The following DLGAP1 variants were observed in gnomAD, a reference collection of about 807,000 sequenced individuals.
The protein encoded by DLGAP1 is DLG associated protein 1.
A neutral mutation model predicts 90.8 loss-of-function variants in DLGAP1; 11 were observed. That is an observed-to-expected ratio of 0.12 (90% confidence interval 0.08 to 0.20). The LOEUF (loss-of-function observed/expected upper bound fraction) is 0.20. DLGAP1 is among the 10% of genes least tolerant of loss of function. The probability of loss-of-function intolerance (pLI) is 1.00; values close to 1 mark genes in which losing one functional copy is unlikely to be tolerated. For missense variants in DLGAP1, 1,050 were observed against 1,333.8 expected (o/e 0.79, Z 3.31); for synonymous variants, 558 against 540.7 (o/e 1.03, Z -0.44).
At chr18:4,262,453 A>C (rs941289022) in intron 1 of DLGAP1, among the ~76,000 whole-genome samples, 4 of 152,218 alleles carry the variant, frequency 2.6e-5, no homozygotes, top group African/African-American at 9.6e-5. Context: ...CACCGTCAGG[A>C]ATCAGTGGCC....
At chr18:4,045,134 T>C (rs965962983) in intron 2 of DLGAP1, among the ~76,000 whole-genome samples, 6 of 152,048 alleles carry the variant, frequency 3.9e-5, no homozygotes, top group African/African-American at 1.4e-4. Context: ...TGGGCAACAG[T>C]CCTCCACGCC....
At chr18:4,160,326 T>C (rs991920526) in intron 1 of DLGAP1, among the ~76,000 whole-genome samples, 1 of 152,188 alleles carries the variant, frequency 6.6e-6, no homozygotes, top group African/African-American at 2.4e-5. Flanking sequence ...TTATAATCTG[T>C]TTGTCCCTAC....
chr18:3,785,328 T>C (rs2065397403), intron 5 of DLGAP1, among the ~76,000 whole-genome samples: 1 of 152,172 alleles, frequency 6.6e-6, no homozygotes, highest in Non-Finnish European at 1.5e-5. Context: ...GTTCCTTTGC[T>C]TTGTAGGGGC....
At position 3,676,451 on chromosome 18, in the gene DLGAP1, C is replaced by T. The variant is rs1476992241; in HGVS notation, c.1591+52684G>A. 2.6e-5 allele frequency among the ~76,000 whole-genome samples: 4 copies of T among 152,062 alleles called. No individual in the cohort carries two copies. In the East Asian group the frequency reaches 5.8e-4, roughly 22 times the overall value. On this transcript the variant is annotated intron_variant, in intron 7 of 12. Coordinates refer to ENST00000315677, the MANE Select transcript of DLGAP1 (RefSeq NM_004746.4). Reference sequence around the variant, plus strand: ...CTCCTTCTTTTGCCTGTTAAACTTCCGCTCCTAAACTCCTCATGAGTGTCC... The same window carrying T: ...CTCCTTCTTTTGCCTGTTAAACTTCTGCTCCTAAACTCCTCATGAGTGTCC...
intron 10 of DLGAP1, among the ~76,000 whole-genome samples, chr18:3,525,243 T>C (rs1259684239): frequency 6.6e-6 from 1 of 152,184 alleles, no homozygotes; most frequent in Non-Finnish European, 1.5e-5. Context: ...TTGACTTATA[T>C]CAGCCACGAA....
At chr18:3,864,815 C>T (rs1006695747) in intron 4 of DLGAP1, among the ~76,000 whole-genome samples, 3 of 152,088 alleles carry the variant, frequency 2.0e-5, no homozygotes, top group African/African-American at 7.2e-5. Flanking sequence ...TGTAACTGTT[C>T]CACCTTGGAT....
At chr18:4,199,403 T>C (rs1409245466) in intron 1 of DLGAP1, among the ~76,000 whole-genome samples, 1 of 152,244 alleles carries the variant, frequency 6.6e-6, no homozygotes, top group Admixed American at 6.5e-5. Flanking sequence ...CAACAACATG[T>C]CATCGTTTAA....
Position 4,045,432 on chromosome 18 carries a change from C to CAAAAAAAAAAAAAAAAAAAAAAA in DLGAP1, c.-158-40254_-158-40232dup, listed in dbSNP as rs763466156. Among the ~76,000 whole-genome samples, 18 of 29,196 alleles carry CAAAAAAAAAAAAAAAAAAAAAAA rather than the reference C, an allele frequency of 6.2e-4. 2 individuals are homozygous for CAAAAAAAAAAAAAAAAAAAAAAA. The highest frequency in any genetic ancestry group is 1.9e-3 in the South Asian group (1 of 530). The allele number at this position is 29,196 out of a possible 152,430, so 19.2% of individuals were successfully genotyped here. A position where few individuals can be genotyped will look rare whatever the true frequency, so the allele number is the denominator to read the frequency against. On this transcript the variant is annotated intron_variant, in intron 2 of 12. Coordinates refer to ENST00000315677, the MANE Select transcript of DLGAP1 (RefSeq NM_004746.4). The stretch of plus-strand genomic sequence containing the variant: ...GTAACATAGAAAGACCCCATCTCTA[C>CAAAAAAAAAAAAAAAAAAAAAAA]AAAAAAAAAAAAAAAAAAAAAAAAA...
At chr18:4,261,838 T>A (rs911278343) in intron 1 of DLGAP1, among the ~76,000 whole-genome samples, 63 of 152,070 alleles carry the variant, frequency 4.1e-4, no homozygotes, top group African/African-American at 1.4e-3. Context: ...TGCCAAGCAG[T>A]AAAGCTCAGT....
intron 1 of DLGAP1, among the ~76,000 whole-genome samples, chr18:4,428,762 A>C (rs2083213306): frequency 6.6e-6 from 1 of 152,170 alleles, no homozygotes; most frequent in South Asian, 2.1e-4. Context: ...TCTTTTCTTC[A>C]TAAATTACCC....
chr18:3,772,830 C>G (rs145050358), intron 5 of DLGAP1, among the ~76,000 whole-genome samples: 244 of 152,188 alleles, frequency 1.6e-3, no homozygotes, highest in African/African-American at 5.8e-3. Context: ...TGTAACAGGA[C>G]TTCCAGGTGA....
At chr18:4,400,829 G>A (rs990408592) in intron 1 of DLGAP1, among the ~76,000 whole-genome samples, 1 of 152,094 alleles carries the variant, frequency 6.6e-6, no homozygotes, top group Non-Finnish European at 1.5e-5. Context: ...CCTGATGGCT[G>A]GGGTTCACCC....
intron 1 of DLGAP1, among the ~76,000 whole-genome samples, chr18:4,392,684 G>A (rs959510921): frequency 1.3e-5 from 2 of 151,998 alleles, no homozygotes; most frequent in African/African-American, 2.4e-5. Context: ...AGTGATTGTA[G>A]GCCCATGGAT....
intron 2 of DLGAP1, among the ~76,000 whole-genome samples, chr18:4,028,514 G>C (rs1017099424): frequency 6.6e-6 from 1 of 152,116 alleles, no homozygotes; most frequent in Non-Finnish European, 1.5e-5. Flanking sequence ...TGCTTAATAT[G>C]AACAGTGCTA....
At position 3,861,189 on chromosome 18, in the gene DLGAP1, A is replaced by G. The variant is rs781334540; in HGVS notation, c.957+17923T>C. ...GAAAAACTCCTTTACAAAAAATCCT[A>G]TGACAGGGATTACATTGTTATAGGA... On this transcript the variant is annotated intron_variant, in intron 4 of 12. Transcript: ENST00000315677. Among the ~76,000 whole-genome samples, 96 of 152,320 alleles carry G rather than the reference A, an allele frequency of 6.3e-4. No individual in the cohort carries two copies. The Middle Eastern group carries it at 0.01, about 16-fold the overall frequency.
At chr18:3,750,998 C>A (rs375817876) in intron 5 of DLGAP1, among the ~76,000 whole-genome samples, 1 of 152,206 alleles carries the variant, frequency 6.6e-6, no homozygotes, top group African/African-American at 2.4e-5. Flanking sequence ...CTGTTACACA[C>A]TTTTCCCATT....
intron 7 of DLGAP1, among the ~76,000 whole-genome samples, chr18:3,683,815 G>A (rs1249329161): frequency 1.3e-5 from 2 of 152,196 alleles, no homozygotes; most frequent in African/African-American, 4.8e-5. Flanking sequence ...GTGTTTGGGA[G>A]GGAGTGTGGT....
At chr18:3,893,705 C>A (rs2071542496) in intron 3 of DLGAP1, among the ~76,000 whole-genome samples, 1 of 151,746 alleles carries the variant, frequency 6.6e-6, no homozygotes, top group Non-Finnish European at 1.5e-5. Flanking sequence ...AACATGAGTG[C>A]AGGTATCTTT....
chr18:4,384,836 A>G (rs2082198179), intron 1 of DLGAP1, among the ~76,000 whole-genome samples: 1 of 152,062 alleles, frequency 6.6e-6, no homozygotes, highest in African/African-American at 2.4e-5. Context: ...AACATGAACA[A>G]CCCCAAATTT....
Sources: allele counts gnomAD v4.1 joint callset (sites outside exome capture counted in the v4.1 genomes callset), GRCh38; gene constraint gnomAD v4.1.1; transcripts MANE v1.5; gene names NCBI Gene and HGNC (gene_info 2026-07-23, HGNC 2026-07-21).